MLIP: variants seen among roughly 807,000 people sequenced by gnomAD.
MLIP encodes muscular LMNA-interacting protein.
A neutral mutation model predicts 84.8 loss-of-function variants in MLIP; 79 were observed. The ratio of observed to expected loss-of-function variants is 0.93; its 90% CI spans 0.78 to 1.12. MLIP has a LOEUF of 1.12. MLIP is among the 50% of genes most tolerant of loss of function. MLIP has a pLI of 0.00. For synonymous variants in MLIP, 504 were observed against 463.0 expected (o/e 1.09, Z -1.14); for missense variants, 1,257 against 1,160.6 (o/e 1.08, Z -1.21).
chr6:54,157,112 C>T (rs1395419061), intron 5 of MLIP, among the ~76,000 whole-genome samples: 2 of 151,982 alleles, frequency 1.3e-5, no homozygotes, highest in East Asian at 3.9e-4. Flanking sequence ...AAAGAGCAGC[C>T]TTTGAGTGAG....
chr6:54,178,313 TTA>T (rs1776508262), intron 9 of MLIP, among the ~76,000 whole-genome samples: 1 of 152,180 alleles, frequency 6.6e-6, no homozygotes, highest in South Asian at 2.1e-4. Context: ...CTTTTTTTCT[TTA>T]TTAGTCTGCC....
At position 54,173,554 on chromosome 6, in the gene MLIP, G is replaced by A. The variant is rs572236781; in HGVS notation, c.2544+3982G>A. Among the ~76,000 whole-genome samples the A allele has an allele frequency of 9.2e-5, 14 of 151,550 alleles. No homozygotes were observed. In the East Asian group the frequency reaches 1.4e-3, roughly 15 times the overall value. ...CTCATTTTTAAACTTTATTTCCTTCGTGTAAATAAATTTCCTTTCTAAGCA... is the reference window on the plus strand; with the variant it reads ...CTCATTTTTAAACTTTATTTCCTTCATGTAAATAAATTTCCTTTCTAAGCA... On this transcript the variant is annotated intron_variant, in intron 9 of 13. Transcript: ENST00000502396.
intron 1 of MLIP, among the ~76,000 whole-genome samples, chr6:54,081,693 G>A (rs1031562873): frequency 2.0e-5 from 3 of 152,106 alleles, no homozygotes; most frequent in Non-Finnish European, 4.4e-5. Context: ...GATTACAGAC[G>A]TGAGGCACCG....
intron 1 of MLIP, among the ~76,000 whole-genome samples, chr6:54,024,715 C>A (rs918904255): frequency 1.3e-5 from 2 of 152,108 alleles, no homozygotes; most frequent in Admixed American, 6.5e-5. Context: ...GTGTACAAAC[C>A]ATTGACACCT....
At chr6:54,088,875 A>T (rs1767672082) in intron 1 of MLIP, among the ~76,000 whole-genome samples, 1 of 152,168 alleles carries the variant, frequency 6.6e-6, no homozygotes, top group Non-Finnish European at 1.5e-5. Flanking sequence ...CTTATAGTAG[A>T]AGTATGTGCT....
chr6:54,218,589 G>A (rs1431593601), intron 11 of MLIP, among the ~76,000 whole-genome samples: 3 of 151,972 alleles, frequency 2.0e-5, no homozygotes, highest in Non-Finnish European at 2.9e-5. Context: ...GTGCGATCTC[G>A]GCTCACTGCA....
At chr6:54,255,225 C>T (rs944457783) in intron 12 of MLIP, among the ~76,000 whole-genome samples, 26 of 152,166 alleles carry the variant, frequency 1.7e-4, no homozygotes, top group African/African-American at 6.3e-4. Flanking sequence ...AGAGCACAGT[C>T]TCTGCATACT....
At chr6:54,233,841 G>T (rs1781179809) in intron 12 of MLIP, among the ~76,000 whole-genome samples, 1 of 152,030 alleles carries the variant, frequency 6.6e-6, no homozygotes, top group Admixed American at 6.6e-5. Flanking sequence ...TCTCTCTCCA[G>T]ATCTTCTCCA....
chr6:54,086,621 G>A (rs1446833618), intron 1 of MLIP, among the ~76,000 whole-genome samples: 1 of 152,084 alleles, frequency 6.6e-6, no homozygotes, highest in East Asian at 1.9e-4. Flanking sequence ...CGTTATAGTG[G>A]CTGACAAGGC....
chr6:54,143,614 A>G (rs896876041), intron 4 of MLIP, among the ~76,000 whole-genome samples: 4 of 152,214 alleles, frequency 2.6e-5, no homozygotes, highest in Admixed American at 1.3e-4. Flanking sequence ...GGTTTACGTC[A>G]TGAAGAAAAA....
chr6:54,229,757 A>T (rs1390604980), intron 11 of MLIP, among the ~76,000 whole-genome samples: 2 of 152,002 alleles, frequency 1.3e-5, no homozygotes, highest in Non-Finnish European at 2.9e-5. Flanking sequence ...CATTTTCTTT[A>T]TCTAATCTAT....
At chr6:54,249,113 G>A (rs1441762747) in intron 12 of MLIP, among the ~76,000 whole-genome samples, 1 of 152,028 alleles carries the variant, frequency 6.6e-6, no homozygotes, top group East Asian at 1.9e-4. Flanking sequence ...ATGCCATAAA[G>A]AAGACCTTTA....
At chr6:54,143,614 A>T (rs896876041) in intron 4 of MLIP, among the ~76,000 whole-genome samples, 1 of 152,214 alleles carries the variant, frequency 6.6e-6, no homozygotes. Flanking sequence ...GGTTTACGTC[A>T]TGAAGAAAAA....
intron 5 of MLIP, among the ~76,000 whole-genome samples, chr6:54,149,472 T>C (rs1171208226): frequency 1.3e-5 from 2 of 152,160 alleles, no homozygotes; most frequent in African/African-American, 2.4e-5. Context: ...TCTGTCCATA[T>C]TGATCAAAAG....
At chr6:54,215,459 G>A in intron 11 of MLIP, 1 of 1,135,706 alleles carries the variant, frequency 8.8e-7, no homozygotes, top group South Asian at 3.1e-5. Context: ...TTTTCCAAGT[G>A]CTTTCATCTT....
chr6:54,040,865 AGGTACACATG>A (rs1764703359), intron 1 of MLIP, among the ~76,000 whole-genome samples: 1 of 152,058 alleles, frequency 6.6e-6, no homozygotes, highest in Admixed American at 6.6e-5. Flanking sequence ...AATAAAGAAC[AGGTACACATG>A]GACATAAAGA....
chr6:54,252,146 A>ATAACATATAATATATAACTATAATATAT lies in MLIP; in HGVS notation c.2923-5160_2923-5159insACATATAATATATAACTATAATATATTA, dbSNP rs1562109983. Among the ~76,000 whole-genome samples the ATAACATATAATATATAACTATAATATAT allele has an allele frequency of 7.5e-3, 513 of 68,778 alleles. 38 individuals are homozygous for ATAACATATAATATATAACTATAATATAT. The highest frequency in any genetic ancestry group is 0.056 in the African/African-American group (488 of 8,776). The allele number at this position is 68,778 out of a possible 152,430, so 45.1% of individuals were successfully genotyped here. A position where few individuals can be genotyped will look rare whatever the true frequency, so the allele number is the denominator to read the frequency against. On this transcript the variant is annotated intron_variant, in intron 12 of 13. Coordinates refer to ENST00000502396, the MANE Select transcript of MLIP (RefSeq NM_001281747.2). Reference sequence around the variant, plus strand: ...TTATAACATATAATATATAACTATAATATAACATATAATATATAACTATAT... The same window carrying ATAACATATAATATATAACTATAATATAT: ...TTATAACATATAATATATAACTATAATAACATATAATATATAACTATAATATATTATAACATATAATATATAACTATAT...
chr6:54,160,822 T>G (rs1467172393), intron 8 of MLIP, 23 bp downstream of exon 8: 1 of 1,584,286 alleles, frequency 6.3e-7, no homozygotes, highest in Non-Finnish European at 8.6e-7. Flanking sequence ...TTAATATAAT[T>G]TATGGAACCA....
chr6:54,222,004 A>G (rs1198221722), intron 11 of MLIP, among the ~76,000 whole-genome samples: 1 of 152,080 alleles, frequency 6.6e-6, no homozygotes, highest in Non-Finnish European at 1.5e-5. Context: ...ATGAAACTTT[A>G]TCAAAGAGGA....
Sources: gnomAD v4.1 joint callset for allele counts (sites outside exome capture counted in the v4.1 genomes callset) on GRCh38, gnomAD v4.1.1 for gene constraint, MANE v1.5 for transcripts, NCBI Gene and HGNC (gene_info 2026-07-23, HGNC 2026-07-21) for gene names.